Variants in SANBR observed in about 807,000 individuals in gnomAD.
SANBR encodes the protein SANT and BTB domain regulator of CSR.
A neutral mutation model predicts 101.8 loss-of-function variants in SANBR; 77 were observed. The observed-to-expected ratio is 0.76, with a 90% CI of 0.63 to 0.91. SANBR has a LOEUF of 0.91. Ranked by LOEUF, SANBR falls within the 40% of genes least tolerant of loss-of-function variation. SANBR has a pLI of 0.00. For missense variants in SANBR, 875 were observed against 853.0 expected (o/e 1.03, Z -0.32); for synonymous variants, 279 against 274.7 (o/e 1.02, Z -0.15).
downstream of SANBR, among the ~76,000 whole-genome samples, chr2:61,127,163 T>C (rs76644872): frequency 4.0e-3 from 602 of 152,334 alleles, 3 homozygotes; most frequent in Non-Finnish European, 3.8e-3. Flanking sequence ...TCTTCTTGAC[T>C]ACTGCTGTGT....
intron 3 of SANBR, among the ~76,000 whole-genome samples, chr2:61,070,939 C>G (rs890131267): frequency 6.6e-6 from 1 of 151,344 alleles, no homozygotes; most frequent in Non-Finnish European, 1.5e-5. Context: ...CCAGGCTGGT[C>G]TTGAACTCCT....
chr2:61,087,776 G>A (rs572594709), intron 8 of SANBR, among the ~76,000 whole-genome samples: 14 of 151,942 alleles, frequency 9.2e-5, no homozygotes, highest in African/African-American at 2.7e-4. Context: ...GCTTGAACCC[G>A]GAAGGCAGAG....
chr2:61,088,833 A>C (rs1485932775), intron 10 of SANBR: 1 of 972,380 alleles, frequency 1.0e-6, no homozygotes, highest in Non-Finnish European at 1.2e-6. Flanking sequence ...TTTTTTTTAA[A>C]TGTGAATTTC....
chr2:61,105,460 G>A (rs1021634994), intron 13 of SANBR, among the ~76,000 whole-genome samples: 4 of 151,428 alleles, frequency 2.6e-5, no homozygotes, highest in African/African-American at 7.3e-5. Flanking sequence ...TCTGCCTCCC[G>A]GGTTCACGCC....
chr2:61,105,422 G>A (rs1279698177), intron 13 of SANBR, among the ~76,000 whole-genome samples: 15 of 150,998 alleles, frequency 9.9e-5, no homozygotes, highest in Admixed American at 5.9e-4. Flanking sequence ...GCTGGAGTGC[G>A]GTGGCACAAT....
chr2:61,088,328 G>A (rs924589522), intron 9 of SANBR, 30 bp from the exon 10 acceptor site: 1 of 1,567,950 alleles, frequency 6.4e-7, no homozygotes, highest in Non-Finnish European at 8.6e-7. Flanking sequence ...TCTTCTTCCT[G>A]GATGTTTTTT....
downstream of SANBR, among the ~76,000 whole-genome samples, chr2:61,127,737 C>T (rs948034034): frequency 5.3e-5 from 8 of 151,856 alleles, no homozygotes; most frequent in Admixed American, 2.0e-4. Flanking sequence ...AAATATGAGA[C>T]ATCATTAAGC....
intron 12 of SANBR, among the ~76,000 whole-genome samples, chr2:61,098,431 A>G (rs539044746): frequency 3.1e-4 from 47 of 152,242 alleles, no homozygotes; most frequent in African/African-American, 1.1e-3. Context: ...TATTGGAAAC[A>G]AGATCATACT....
chr2:61,133,584 C>T (rs1684754629), intron 20 of SANBR, among the ~76,000 whole-genome samples: 1 of 152,032 alleles, frequency 6.6e-6, no homozygotes. Flanking sequence ...GAGACCCTAT[C>T]TCTACAAAAA....
At chr2:61,075,381 C>T (rs771688234) in intron 5 of SANBR, among the ~76,000 whole-genome samples, 4 of 152,094 alleles carry the variant, frequency 2.6e-5, no homozygotes, top group Non-Finnish European at 5.9e-5. Context: ...CTTGAGCCTC[C>T]TGAGTAGCTG....
intron 20 of SANBR, among the ~76,000 whole-genome samples, chr2:61,132,888 G>A (rs1045114314): frequency 6.6e-6 from 1 of 152,178 alleles, no homozygotes. Context: ...AAGATCACAC[G>A]CTGCATGACT....
intron 21 of SANBR, chr2:61,134,310 G>T: frequency 6.6e-7 from 1 of 1,523,766 alleles, no homozygotes; most frequent in South Asian, 1.2e-5. Context: ...ATTATTAGTA[G>T]ACCACATGAA....
Position 61,122,285 on chromosome 2 carries a change from A to T in SANBR, c.*123A>T. 1 of 1,326,226 alleles carries T rather than the reference A, an allele frequency of 7.5e-7. No homozygotes were observed. Among genetic ancestry groups the T allele is most frequent in the Non-Finnish European group, 9.9e-7 (1 of 1,013,292 alleles). The allele number at this position is 1,326,226 out of a possible 1,614,324, so 82.2% of individuals were successfully genotyped here. A position where few individuals can be genotyped will look rare whatever the true frequency, so the allele number is the denominator to read the frequency against. ...TTTTATGTTATTATTATTTTAATCC[A>T]CATAAATCATAATTCTAAAAGAAAT... is the stretch of plus-strand genomic sequence containing the variant. On this transcript the variant is annotated 3_prime_UTR_variant, in exon 22 of 22. Coordinates refer to ENST00000402291, the MANE Select transcript of SANBR (RefSeq NM_001129993.3).
intron 16 of SANBR, among the ~76,000 whole-genome samples, chr2:61,115,151 G>A (rs1031170422): frequency 3.3e-5 from 5 of 152,126 alleles, no homozygotes; most frequent in African/African-American, 1.2e-4. Flanking sequence ...ATAAAATTCA[G>A]TGAAGCCATA....
chr2:61,092,831 T>C (rs1168931387), intron 11 of SANBR, among the ~76,000 whole-genome samples: 1 of 151,942 alleles, frequency 6.6e-6, no homozygotes, highest in Non-Finnish European at 1.5e-5. Flanking sequence ...TGAGACTCCA[T>C]CTCTTAAAAA....
At chr2:61,128,554 G>A (rs995104499), downstream of SANBR, among the ~76,000 whole-genome samples, 3 of 151,472 alleles carry the variant, frequency 2.0e-5, no homozygotes, top group Admixed American at 2.0e-4. Context: ...GTGCAGTGGT[G>A]CGATCTCAGC....
chr2:61,108,534 C>A (rs1413782246), intron 15 of SANBR, among the ~76,000 whole-genome samples, 185 bp downstream of exon 15: 1 of 152,180 alleles, frequency 6.6e-6, no homozygotes, highest in Non-Finnish European at 1.5e-5. Context: ...GACTCATATT[C>A]CATGTCTGGC....
At chr2:61,085,281 T>G (rs574416587) in intron 8 of SANBR, among the ~76,000 whole-genome samples, 1 of 152,308 alleles carries the variant, frequency 6.6e-6, no homozygotes, top group East Asian at 1.9e-4. Flanking sequence ...TATGTTTTTC[T>G]GTTATTCATC....
chr2:61,137,435 G>A (rs1684885571), intron 21 of SANBR: 1 of 152,228 alleles, frequency 6.6e-6, no homozygotes, highest in Non-Finnish European at 1.5e-5. Context: ...GTTATCTGAA[G>A]AACTACCACC....
Sources: allele counts gnomAD v4.1 joint callset (sites outside exome capture counted in the v4.1 genomes callset), GRCh38; gene constraint gnomAD v4.1.1; transcripts MANE v1.5; gene names NCBI Gene and HGNC (gene_info 2026-07-23, HGNC 2026-07-21).